Variants in HMGCLL1 observed in about 807,000 individuals in gnomAD.
HMGCLL1 encodes 3-hydroxy-3-methylglutaryl-CoA lyase like 1.
Under a neutral mutation model 39.1 loss-of-function variants are expected in HMGCLL1, and 36 were observed. The ratio of observed to expected loss-of-function variants is 0.92; its 90% CI spans 0.71 to 1.22. HMGCLL1 has a LOEUF of 1.22. HMGCLL1 is among the 50% of genes most tolerant of loss of function. The pLI is 0.00. For synonymous variants in HMGCLL1, 149 were observed against 144.0 expected (o/e 1.03, Z -0.25); for missense variants, 451 against 416.5 (o/e 1.08, Z -0.72).
chr6:55,450,290 G>A (rs1764026044), intron 7 of HMGCLL1, among the ~76,000 whole-genome samples: 1 of 152,218 alleles, frequency 6.6e-6, no homozygotes, highest in Non-Finnish European at 1.5e-5. Context: ...AGCAGAATGG[G>A]AGGACAGGAT....
At chr6:55,593,737 C>T in the HMGCLL1 span, among the ~76,000 whole-genome samples, 2 of 152,030 alleles carry the variant, frequency 1.3e-5, no homozygotes, top group African/African-American at 4.8e-5. Flanking sequence ...ATAATAACAA[C>T]CTATACCTAA....
chr6:55,445,273 G>GT (rs1763769812), intron 7 of HMGCLL1, among the ~76,000 whole-genome samples: 1 of 151,394 alleles, frequency 6.6e-6, no homozygotes, highest in African/African-American at 2.4e-5. Flanking sequence ...TTATATGCTC[G>GT]TTTTTCTAAA....
In HMGCLL1 at chr6:55,504,989, GA is replaced by G. The variant is rs1767079237; in HGVS notation, c.543-5691del. On this transcript the variant is annotated intron_variant, in intron 5 of 8. Transcript: ENST00000274901. Reference sequence around the variant, plus strand: ...TAGTAATCATCAACCATATTGAAACGAATCTTGCTAAAATTAACAAAAAACA... The same window carrying G: ...TAGTAATCATCAACCATATTGAAACGATCTTGCTAAAATTAACAAAAAACA... Among the ~76,000 whole-genome samples the G allele has an allele frequency of 2.0e-5, 3 of 151,662 alleles. No individual in the cohort carries two copies. The South Asian group carries it at 6.2e-4, about 31-fold the overall frequency.
chr6:55,650,243 T>G, the HMGCLL1 span, among the ~76,000 whole-genome samples: 1 of 150,246 alleles, frequency 6.7e-6, no homozygotes, highest in Non-Finnish European at 1.5e-5. Context: ...CTTATAAATG[T>G]TCTTCAGTGT....
Position 55,439,578 on chromosome 6 carries a change from C to A in HMGCLL1, c.796-19G>T. On this transcript the variant is annotated intron_variant, in intron 7 of 8. Coordinates refer to ENST00000274901, the MANE Select transcript of HMGCLL1 (RefSeq NM_001042406.2). ...TTCCCATCTGGAAAACAAACCAAACCACCTAAAGCTTGTGTGTTTATGGCA... is the reference window on the plus strand; with the variant it reads ...TTCCCATCTGGAAAACAAACCAAACAACCTAAAGCTTGTGTGTTTATGGCA... The A allele has an allele frequency of 6.2e-7, 1 of 1,609,860 alleles. No homozygotes were observed. Among genetic ancestry groups the A allele is most frequent in the Non-Finnish European group, 8.5e-7 (1 of 1,177,302 alleles).
intron 1 of HMGCLL1, among the ~76,000 whole-genome samples, chr6:55,576,168 T>C (rs927586316): frequency 5.9e-5 from 9 of 152,182 alleles, no homozygotes; most frequent in Non-Finnish European, 1.3e-4. Flanking sequence ...TACTATGCAA[T>C]AGAAGTCTAA....
the HMGCLL1 span, among the ~76,000 whole-genome samples, chr6:55,599,932 G>A: frequency 1.3e-5 from 2 of 152,152 alleles, no homozygotes; most frequent in African/African-American, 2.4e-5. Context: ...TGTGAAAGGT[G>A]TTGGCTATCT....
rs958164980 is a variant in HMGCLL1 at position 55,563,074 on chromosome 6, T to C, written c.108+15874A>G. ...TATATTTGGATATGGATAGTGTCAA[T>C]TTCAGTGGCTATGTGTATATGCACA... On this transcript the variant is annotated intron_variant, in intron 1 of 8. Transcript: ENST00000274901. 2.6e-5 allele frequency among the ~76,000 whole-genome samples: 4 copies of C among 152,080 alleles called. No individual in the cohort carries two copies. The East Asian group carries it at 5.8e-4, about 22-fold the overall frequency.
At chr6:55,440,722 C>G (rs1406141394) in intron 7 of HMGCLL1, among the ~76,000 whole-genome samples, 1 of 152,102 alleles carries the variant, frequency 6.6e-6, no homozygotes, top group Non-Finnish European at 1.5e-5. Flanking sequence ...TCATGTTTCT[C>G]AATCACAGGT....
At chr6:55,669,906 A>G in the HMGCLL1 span, among the ~76,000 whole-genome samples, 1 of 151,818 alleles carries the variant, frequency 6.6e-6, no homozygotes, top group Non-Finnish European at 1.5e-5. Context: ...GTCCCGGGAG[A>G]GAACAGACTC....
At chr6:55,605,276 A>T in the HMGCLL1 span, among the ~76,000 whole-genome samples, 1 of 152,066 alleles carries the variant, frequency 6.6e-6, no homozygotes, top group Non-Finnish European at 1.5e-5. Context: ...CTTACGTTAC[A>T]CTCCGACTAC....
chr6:55,488,200 G>A (rs1391623417), intron 7 of HMGCLL1, among the ~76,000 whole-genome samples: 1 of 152,048 alleles, frequency 6.6e-6, no homozygotes, highest in Non-Finnish European at 1.5e-5. Flanking sequence ...TCTGTTAAAA[G>A]TTCCATTAGA....
At chr6:55,462,503 T>G (rs1764617575) in intron 7 of HMGCLL1, among the ~76,000 whole-genome samples, 1 of 152,216 alleles carries the variant, frequency 6.6e-6, no homozygotes, top group Non-Finnish European at 1.5e-5. Flanking sequence ...TCCAGAAATT[T>G]AAATTTAAAT....
the HMGCLL1 span, among the ~76,000 whole-genome samples, chr6:55,645,353 A>G: frequency 2.0e-5 from 3 of 151,906 alleles, no homozygotes; most frequent in African/African-American, 7.2e-5. Context: ...ATTGAGGATA[A>G]TTTGACTTCT....
In HMGCLL1 at chr6:55,579,182, A is replaced by G. The variant is rs1023286362; in HGVS notation, c.-127T>C. The G allele has an allele frequency of 1.4e-6, 1 of 734,566 alleles. No individual in the cohort carries two copies. The highest frequency in any genetic ancestry group is 2.3e-6 in the Non-Finnish European group (1 of 430,640). 45.5% of individuals were successfully genotyped at this position (734,566 alleles called of 1,614,324 possible). ...CCGGTGCACTGGCTGTGAGGACCAG[A>G]GCTGTTCTGCGCACTGCGGCGGCGC... On this transcript the variant is annotated 5_prime_UTR_variant, in exon 1 of 9. Transcript: ENST00000274901.
intron 7 of HMGCLL1, among the ~76,000 whole-genome samples, chr6:55,465,372 A>G (rs571256847): frequency 6.6e-6 from 1 of 152,104 alleles, no homozygotes; most frequent in African/African-American, 2.4e-5. Flanking sequence ...TGATTACTAT[A>G]TGAAAATCAA....
the HMGCLL1 span, among the ~76,000 whole-genome samples, chr6:55,598,442 C>T: frequency 2.6e-5 from 4 of 152,122 alleles, no homozygotes; most frequent in Non-Finnish European, 4.4e-5. Flanking sequence ...ACACAGACTG[C>T]GTTGTACTCC....
At chr6:55,547,308 G>A (rs929525624) in intron 1 of HMGCLL1, among the ~76,000 whole-genome samples, 1 of 152,004 alleles carries the variant, frequency 6.6e-6, no homozygotes, top group African/African-American at 2.4e-5. Flanking sequence ...TTTAGAGTGT[G>A]TGTGGGTGTA....
intron 1 of HMGCLL1, among the ~76,000 whole-genome samples, chr6:55,564,632 T>C (rs1004466807): frequency 6.6e-6 from 1 of 152,130 alleles, no homozygotes; most frequent in Non-Finnish European, 1.5e-5. Flanking sequence ...GAATTTTACA[T>C]TACACAATAT....
Sources: allele counts gnomAD v4.1 joint callset (sites outside exome capture counted in the v4.1 genomes callset), GRCh38; gene constraint gnomAD v4.1.1; transcripts MANE v1.5; gene names NCBI Gene and HGNC (gene_info 2026-07-23, HGNC 2026-07-21).